ATP2B2: variants seen among roughly 807,000 people sequenced by gnomAD.
The protein encoded by ATP2B2 is ATPase plasma membrane Ca2+ transporting 2, also known as plasma membrane calcium-transporting ATPase 2.
Under a neutral mutation model 120.0 loss-of-function variants are expected in ATP2B2, and 15 were observed. The observed-to-expected ratio is 0.12, with a 90% confidence interval of 0.08 to 0.19. The LOEUF (loss-of-function observed/expected upper bound fraction) is 0.19, where lower values mean the gene tolerates loss of function less well. ATP2B2 is among the 10% of genes least tolerant of loss of function. The pLI is 1.00. For synonymous variants in ATP2B2, 694 were observed against 700.3 expected (o/e 0.99, Z 0.14); for missense variants, 1,045 against 1,719.8 (o/e 0.61, Z 6.94).
At chr3:10,624,815 T>C (rs186023777) in intron 1 of ATP2B2, among the ~76,000 whole-genome samples, 1 of 152,340 alleles carries the variant, frequency 6.6e-6, no homozygotes, top group East Asian at 1.9e-4. Flanking sequence ...GGAAAAGCAC[T>C]TTCTAAGGCA....
At chr3:10,359,860 C>T (rs201555171) in intron 13 of ATP2B2, 22 bp downstream of exon 13, 44 of 1,613,986 alleles carry the variant, frequency 2.7e-5, no homozygotes, top group East Asian at 1.3e-4. Flanking sequence ...CCCTCAGCCC[C>T]GGTGCCCTGC....
intron 1 of ATP2B2, among the ~76,000 whole-genome samples, chr3:10,683,878 C>A (rs2071453566): frequency 6.8e-6 from 1 of 147,778 alleles, no homozygotes; most frequent in African/African-American, 2.5e-5. Flanking sequence ...CTCACGGCAT[C>A]CTCGAACTCC....
chr3:10,523,050 G>A (rs1212228607), intron 3 of ATP2B2, among the ~76,000 whole-genome samples: 1 of 152,208 alleles, frequency 6.6e-6, no homozygotes. Context: ...GGATAGTGAG[G>A]GTAAAGAGAG....
chr3:10,532,240 G>C (rs1340048720), intron 3 of ATP2B2, among the ~76,000 whole-genome samples: 1 of 152,124 alleles, frequency 6.6e-6, no homozygotes, highest in Non-Finnish European at 1.5e-5. Flanking sequence ...GGGTCTCTTT[G>C]TCCCATTCAT....
At chr3:10,637,822 T>A (rs535308453) in intron 1 of ATP2B2, among the ~76,000 whole-genome samples, 1 of 150,596 alleles carries the variant, frequency 6.6e-6, no homozygotes, top group African/African-American at 2.4e-5. Context: ...ACAAGAAACA[T>A]GAAGAAAGCA....
At position 10,324,337 on chromosome 3, in the gene ATP2B2, G is replaced by C. The variant is rs1249060525; in HGVS notation, c.*4477C>G. 1 of 151,990 alleles carries C rather than the reference G, an allele frequency of 6.6e-6. No homozygotes were observed. Among genetic ancestry groups the C allele is most frequent in the Non-Finnish European group, 1.5e-5 (1 of 68,032 alleles). The allele number at this position is 151,990 out of a possible 1,614,324, so 9.4% of individuals were successfully genotyped here. ...CACAGGCATTACAAAACAGACTTAG[G>C]GGGCTGAGAAGGGCAGTCCCAAAGC... On this transcript the variant is annotated 3_prime_UTR_variant, in exon 23 of 23. Transcript: ENST00000360273.
chr3:10,458,068 CATCCATCCGTCT>C (rs2064338847), intron 1 of ATP2B2, among the ~76,000 whole-genome samples: 1 of 152,138 alleles, frequency 6.6e-6, no homozygotes, highest in Non-Finnish European at 1.5e-5. Flanking sequence ...TCCATCCAAC[CATCCATCCGTCT>C]ATCCATCCGT....
chr3:10,606,298 T>C (rs563562136), intron 2 of ATP2B2, among the ~76,000 whole-genome samples: 1 of 152,164 alleles, frequency 6.6e-6, no homozygotes, highest in Admixed American at 6.5e-5. Flanking sequence ...ACTGTACCCA[T>C]ATACTCCACG....
intron 12 of ATP2B2, among the ~76,000 whole-genome samples, chr3:10,365,821 TG>T (rs77623712): frequency 2.3e-4 from 3 of 12,970 alleles, no homozygotes; most frequent in Non-Finnish European, 5.5e-4. Flanking sequence ...ATGTGCTGTG[TG>T]TGTGTTGTAT....
chr3:10,441,445 G>T (rs1241630860), intron 2 of ATP2B2, among the ~76,000 whole-genome samples: 1 of 152,128 alleles, frequency 6.6e-6, no homozygotes, highest in Non-Finnish European at 1.5e-5. Flanking sequence ...CCACCATGTT[G>T]GCCAGGCTGG....
intron 1 of ATP2B2, among the ~76,000 whole-genome samples, chr3:10,459,968 G>A (rs2064418251): frequency 2.0e-5 from 3 of 152,342 alleles, no homozygotes; most frequent in African/African-American, 7.2e-5. Flanking sequence ...CTTCTTTGCC[G>A]TTTTTCCTTT....
rs1187795056 is a variant in ATP2B2, at chr3:10,340,362, G to C, written c.3130-13C>G. On this transcript the variant is annotated splice_polypyrimidine_tract_variant and intron_variant, in intron 20 of 22. Coordinates refer to ENST00000360273, the MANE Select transcript of ATP2B2 (RefSeq NM_001001331.4). This position sits in a 1 kb window ranked among gnomAD's most constrained non-coding sequence, Gnocchi z 5.0. The stretch of plus-strand genomic sequence containing the variant: ...GCACGATCACTATCTGGAGGTCACA[G>C]GGGAGCAGAGAAAGAGAGAGAGAGA... The C allele has an allele frequency of 1.9e-6, 3 of 1,613,660 alleles. No individual in the cohort carries two copies. The highest frequency in any genetic ancestry group is 1.1e-5 in the South Asian group (1 of 91,006).
intron 10 of ATP2B2, among the ~76,000 whole-genome samples, chr3:10,377,633 G>A (rs545545326): frequency 8.5e-4 from 129 of 152,314 alleles, no homozygotes; most frequent in African/African-American, 2.9e-3. Flanking sequence ...TTTGTTGTGC[G>A]GGGGCTCAGA....
In ATP2B2 at chr3:10,328,558, T is replaced by TCA; in HGVS notation, c.*255_*256insTG. 4.5e-6 allele frequency: 2 copies of TCA among 449,138 alleles called. No homozygotes were observed. Among genetic ancestry groups the TCA allele is most frequent in the Non-Finnish European group, 4.0e-6 (1 of 252,302 alleles). The allele number at this position is 449,138 out of a possible 1,614,324, so 27.8% of individuals were successfully genotyped here. A position where few individuals can be genotyped will look rare whatever the true frequency, so the allele number is the denominator to read the frequency against. ...CTGGGTGGGAGCCAGGAAGGGCTTG[T>TCA]TTTGGGAAAACCGCTCACTCCCGTA... On this transcript the variant is annotated 3_prime_UTR_variant, in exon 23 of 23. Transcript: ENST00000360273.
At chr3:10,581,458 G>T (rs1235523575) in intron 2 of ATP2B2, among the ~76,000 whole-genome samples, 4 of 152,148 alleles carry the variant, frequency 2.6e-5, no homozygotes, top group African/African-American at 7.2e-5. Flanking sequence ...GCAGGGGCAC[G>T]AGCCAGCCGG....
In ATP2B2 at chr3:10,486,727, T is replaced by C. The variant is rs546847307; in HGVS notation, c.-320+18738A>G. Among the ~76,000 whole-genome samples, 3 of 151,472 alleles carry C rather than the reference T, an allele frequency of 2.0e-5. No homozygotes were observed. The South Asian group carries it at 6.3e-4, about 32-fold the overall frequency. ...GGAATTATTGTTATGATGATGATGG[T>C]GATGATGATGATGATAGAGTCTCAC... On this transcript the variant is annotated intron_variant, in intron 1 of 22. Transcript: ENST00000360273.
intron 19 of ATP2B2, among the ~76,000 whole-genome samples, chr3:10,341,443 T>A (rs1351024395): frequency 6.6e-6 from 1 of 152,182 alleles, no homozygotes; most frequent in Non-Finnish European, 1.5e-5. Flanking sequence ...CTCAAGTAGC[T>A]GGGATTACAG....
intron 2 of ATP2B2, among the ~76,000 whole-genome samples, chr3:10,424,982 T>C (rs1005723211): frequency 1.3e-5 from 2 of 152,114 alleles, no homozygotes; most frequent in African/African-American, 2.4e-5. Flanking sequence ...TAGGGGACTC[T>C]AGCTGTGACT....
intron 2 of ATP2B2, among the ~76,000 whole-genome samples, chr3:10,603,832 G>A (rs192440649): frequency 6.6e-6 from 1 of 152,182 alleles, no homozygotes; most frequent in Non-Finnish European, 1.5e-5. Context: ...CCAATAAATA[G>A]ACTTAACTCT....
Sources: gnomAD v4.1 joint callset for allele counts (sites outside exome capture counted in the v4.1 genomes callset) on GRCh38, gnomAD v4.1.1 for gene constraint, Gnocchi (gnomAD v3.1) non-coding constraint, MANE v1.5 for transcripts, NCBI Gene and HGNC (gene_info 2026-07-23, HGNC 2026-07-21) for gene names.